Variants in LHX3 observed in about 807,000 individuals in gnomAD.
LHX3 encodes the protein LIM homeobox 3.
LHX3 carries 21 observed loss-of-function variants against 32.4 expected under a neutral mutation model. The ratio of observed to expected loss-of-function variants is 0.65; its 90% CI spans 0.46 to 0.93. The LOEUF (loss-of-function observed/expected upper bound fraction) is 0.93. Ranked by LOEUF, LHX3 falls within the 40% of genes least tolerant of loss-of-function variation. The pLI is 0.00. For missense variants in LHX3, 626 were observed against 560.0 expected (o/e 1.12, Z -1.19); for synonymous variants, 258 against 246.8 (o/e 1.05, Z -0.43).
intron 5 of LHX3, 23 bp downstream of exon 5, chr9:136,198,629 A>G (rs757455994): frequency 6.6e-7 from 1 of 1,507,940 alleles, no homozygotes; most frequent in Non-Finnish European, 8.9e-7. Context: ...TCCCCCCCCG[A>G]GCTCCGCGAT....
intron 1 of LHX3, chr9:136,201,571 GTC>G (rs1331733177): frequency 2.0e-5 from 21 of 1,054,528 alleles, no homozygotes; most frequent in Non-Finnish European, 2.3e-5. Flanking sequence ...CTTAGAAAAA[GTC>G]TCTGGAAGAG....
At chr9:136,200,042 C>A (rs1483243820) in intron 2 of LHX3, 162 bp from the exon 3 acceptor site, 23 of 738,370 alleles carry the variant, frequency 3.1e-5, no homozygotes, top group Non-Finnish European at 5.4e-5. Flanking sequence ...GGCAGAGCTG[C>A]CCACTCCCAC....
intron 3 of LHX3, 111 bp from the exon 4 acceptor site, chr9:136,199,170 C>A: frequency 1.9e-6 from 1 of 516,726 alleles, no homozygotes; most frequent in South Asian, 7.2e-5. Context: ...TGCCCACCCC[C>A]ATCCCGCCCC....
intron 4 of LHX3, 33 bp downstream of exon 4, chr9:136,198,875 G>T (rs766276638): frequency 1.3e-6 from 2 of 1,591,508 alleles, no homozygotes; most frequent in Non-Finnish European, 1.7e-6. Flanking sequence ...CCCCAAGGCC[G>T]CGGGCGGGAG....
intron 5 of LHX3, 134 bp from the exon 6 acceptor site, chr9:136,197,877 G>A (rs997960156): frequency 1.1e-6 from 1 of 906,052 alleles, no homozygotes; most frequent in Non-Finnish European, 1.7e-6. Context: ...GTCATAACAG[G>A]CCCCTTCTAC....
At chr9:136,203,269 C>T in intron 1 of LHX3, 1 of 392,388 alleles carries the variant, frequency 2.5e-6, no homozygotes, top group Non-Finnish European at 3.5e-6. Context: ...CCAGCCCGGG[C>T]CACTGCGGAC....
At position 136,199,074 on chromosome 9, in the gene LHX3, A is replaced by G; in HGVS notation, c.455-15T>C. The G allele has an allele frequency of 2.7e-6, 4 of 1,477,506 alleles. No individual in the cohort carries two copies. Among genetic ancestry groups the G allele is most frequent in the South Asian group, 1.3e-5 (1 of 78,106 alleles). 91.5% of individuals were successfully genotyped at this position (1,477,506 alleles called of 1,614,324 possible). ...GGCCTCGGCCTCTGCGCGGCGGGCG[A>G]GCGGTGAGGCGCGGCAGCCCCTCCG... On this transcript the variant is annotated splice_polypyrimidine_tract_variant and intron_variant, in intron 3 of 5. Transcript: ENST00000371748.
rs750145233 is a variant in LHX3 at position 136,198,826 on chromosome 9, G to A, written c.607-6C>T. The A allele has an allele frequency of 8.1e-6, 13 of 1,603,934 alleles. No individual in the cohort carries two copies. The highest frequency in any genetic ancestry group is 1.1e-5 in the Non-Finnish European group (13 of 1,177,048). On this transcript the variant is annotated splice_polypyrimidine_tract_variant and splice_region_variant and intron_variant, in intron 4 of 5. Transcript: ENST00000371748. ...CGGCGGTTCTGGAACCAAACCTGGG[G>A]GCGGGGCGGGGTGAGCGGCCGCCCG... is the stretch of plus-strand genomic sequence containing the variant.
At chr9:136,200,946 G>A (rs764089277) in intron 1 of LHX3, among the ~76,000 whole-genome samples, 193 bp from the exon 2 acceptor site, 8 of 152,202 alleles carry the variant, frequency 5.3e-5, no homozygotes, top group South Asian at 2.1e-4. Flanking sequence ...TGCAGGCACC[G>A]CATCCTATGT....
Position 136,205,109 on chromosome 9 carries a change from C to A in LHX3, c.-97G>T. On this transcript the variant is annotated 5_prime_UTR_variant, in exon 1 of 6. Transcript: ENST00000371748. ...CCAAGTCCCGCCGCGTCGTGCGGGG[C>A]AGGGAGCCCGGGAGCCACTGGGCCT... The A allele has an allele frequency of 2.8e-6, 3 of 1,077,976 alleles. No individual in the cohort carries two copies. Among genetic ancestry groups the A allele is most frequent in the East Asian group, 2.8e-5 (1 of 35,332 alleles). The allele number at this position is 1,077,976 out of a possible 1,614,324, so 66.8% of individuals were successfully genotyped here.
chr9:136,201,390 G>C, intron 1 of LHX3: 2 of 1,235,044 alleles, frequency 1.6e-6, no homozygotes, highest in Middle Eastern at 3.1e-4. Flanking sequence ...CCCCAACACC[G>C]TCAGAGTTAC....
At chr9:136,202,954 A>C (rs1831680767) in intron 1 of LHX3, 1 of 1,532,068 alleles carries the variant, frequency 6.5e-7, no homozygotes, top group East Asian at 2.5e-5. Flanking sequence ...ACCTCGGCGC[A>C]GGTCCGCCCT....
intron 1 of LHX3, chr9:136,201,094 A>C: frequency 1.4e-6 from 2 of 1,396,096 alleles, no homozygotes; most frequent in South Asian, 1.6e-5. Context: ...CTCAAATGAA[A>C]ACCCCACCCC....
chr9:136,199,051 C>T lies in LHX3; in HGVS notation c.463G>A (p.Ala155Thr). The change falls in exon 4 of 6, where the codon GCC (alanine) becomes ACC (threonine). Residue 155 changes from alanine to threonine, a missense_variant. By Grantham distance (58) the Ala-to-Thr change is moderately conservative (BLOSUM62 0). Coordinates refer to ENST00000371748, the MANE Select transcript of LHX3 (RefSeq NM_178138.6). ...YETAKQREAE[A>T]TAKRPRTTIT... is the part of the protein sequence containing the mutation. ...GTCGTGCGCGGCCGCTTGGCCGTGG[C>T]CTCGGCCTCTGCGCGGCGGGCGAGC... 1 of 1,549,120 alleles carries T rather than the reference C, an allele frequency of 6.5e-7. No individual in the cohort carries two copies. The highest frequency in any genetic ancestry group is 8.7e-7 in the Non-Finnish European group (1 of 1,154,580).
chr9:136,203,164 G>A, intron 1 of LHX3: 4 of 1,297,464 alleles, frequency 3.1e-6, no homozygotes, highest in Admixed American at 4.3e-5. Context: ...CTGCGCCCGC[G>A]GGCCGCCCTG....
chr9:136,203,028 G>A (rs1665433473), intron 1 of LHX3: 6 of 1,520,824 alleles, frequency 3.9e-6, no homozygotes, highest in Non-Finnish European at 5.3e-6. Flanking sequence ...CCAGCTCCCC[G>A]CGCGCCTCCA....
At chr9:136,204,715 C>A (rs1588629023) in intron 1 of LHX3, among the ~76,000 whole-genome samples, 1 of 152,150 alleles carries the variant, frequency 6.6e-6, no homozygotes, top group African/African-American at 2.4e-5. Flanking sequence ...TTTCTAGGGG[C>A]CTCCACTCCA....
intron 2 of LHX3, 56 bp from the exon 3 acceptor site, chr9:136,199,936 G>C: frequency 5.9e-6 from 9 of 1,518,868 alleles, no homozygotes; most frequent in Non-Finnish European, 8.0e-6. Flanking sequence ...ATTTCGCCCC[G>C]AGCGGGTTGG....
rs751521110 is a variant in LHX3, at chr9:136,198,787, T to C, written c.640A>G (p.Arg214Gly). Reference sequence around the variant, plus strand: ...TGCCGGCCGGCGTCCTTCTTCAGCCTCTTCTCCTTGGCCCGGCGGTTCTGG... The same window carrying C: ...TGCCGGCCGGCGTCCTTCTTCAGCCCCTTCTCCTTGGCCCGGCGGTTCTGG... ...WFQNRRAKEK[R>G]LKKDAGRQRW... Residue 214 changes from arginine to glycine, a missense_variant, in exon 5 of 6, where the codon AGG becomes GGG. Transcript: ENST00000371748. The C allele has an allele frequency of 6.2e-7, 1 of 1,610,270 alleles. No individual in the cohort carries two copies. The highest frequency in any genetic ancestry group is 8.5e-7 in the Non-Finnish European group (1 of 1,179,438).
Sources: allele counts gnomAD v4.1 joint callset (sites outside exome capture counted in the v4.1 genomes callset), GRCh38; gene constraint gnomAD v4.1.1; transcripts MANE v1.5; gene names NCBI Gene and HGNC (gene_info 2026-07-23, HGNC 2026-07-21).